SPAG16: variants seen among roughly 807,000 people sequenced by gnomAD.
SPAG16 encodes the protein sperm-associated antigen 16 protein.
In SPAG16, 86 loss-of-function variants were observed where a neutral mutation model predicts 80.4. The ratio of observed to expected loss-of-function variants is 1.07; its 90% CI spans 0.90 to 1.28. The LOEUF (loss-of-function observed/expected upper bound fraction) is 1.28. SPAG16 is among the 50% of genes most tolerant of loss of function. The pLI is 0.00. For missense variants in SPAG16, 870 were observed against 765.3 expected (o/e 1.14, Z -1.61); for synonymous variants, 294 against 265.9 (o/e 1.11, Z -1.03).
chr2:213,542,647 T>A (rs1400090259), intron 10 of SPAG16, among the ~76,000 whole-genome samples: 1 of 152,040 alleles, frequency 6.6e-6, no homozygotes, highest in Non-Finnish European at 1.5e-5. Flanking sequence ...ATAAGAATAT[T>A]GCGAATTAAA....
intron 15 of SPAG16, among the ~76,000 whole-genome samples, chr2:214,296,502 T>A (rs768202672): frequency 6.6e-6 from 1 of 152,172 alleles, no homozygotes; most frequent in Admixed American, 6.5e-5. Context: ...TAATTTACAC[T>A]CCCATAGTGT....
chr2:213,929,571 A>G (rs915180016), intron 11 of SPAG16, among the ~76,000 whole-genome samples: 4 of 152,174 alleles, frequency 2.6e-5, no homozygotes, highest in African/African-American at 4.8e-5. Context: ...TTCATATTGT[A>G]TTATGTTTTT....
intron 15 of SPAG16, among the ~76,000 whole-genome samples, chr2:214,180,443 T>G (rs1267629818): frequency 6.6e-6 from 1 of 151,676 alleles, no homozygotes; most frequent in Non-Finnish European, 1.5e-5. Flanking sequence ...TATAGTCCTG[T>G]TATAATCATT....
chr2:213,382,594 C>T (rs1164800973), intron 9 of SPAG16, among the ~76,000 whole-genome samples: 2 of 152,140 alleles, frequency 1.3e-5, no homozygotes, highest in Non-Finnish European at 2.9e-5. Flanking sequence ...TTTTGGGGTC[C>T]AAACATCATT....
chr2:214,388,918 A>G (rs1459774173), intron 15 of SPAG16, among the ~76,000 whole-genome samples: 3 of 152,150 alleles, frequency 2.0e-5, no homozygotes, highest in Non-Finnish European at 4.4e-5. Flanking sequence ...GCCTCTCATA[A>G]ACACAAGCCA....
chr2:214,310,579 G>C (rs114934691), intron 15 of SPAG16, among the ~76,000 whole-genome samples: 19 of 152,312 alleles, frequency 1.2e-4, no homozygotes, highest in Non-Finnish European at 2.2e-4. Flanking sequence ...GGAAGCACCT[G>C]CCCTAATGAA....
chr2:213,851,086 A>G (rs2074881448), intron 10 of SPAG16, among the ~76,000 whole-genome samples: 1 of 152,202 alleles, frequency 6.6e-6, no homozygotes, highest in East Asian at 1.9e-4. Flanking sequence ...ATTTTAGTTC[A>G]GAAGTATAAA....
At chr2:213,442,526 A>G (rs2071034409) in intron 9 of SPAG16, among the ~76,000 whole-genome samples, 1 of 152,222 alleles carries the variant, frequency 6.6e-6, no homozygotes, top group Non-Finnish European at 1.5e-5. Context: ...ACTTACTATA[A>G]AATTACAGTA....
intron 14 of SPAG16, among the ~76,000 whole-genome samples, chr2:214,117,868 G>A (rs1016812860): frequency 2.0e-5 from 3 of 152,000 alleles, no homozygotes; most frequent in African/African-American, 4.8e-5. Flanking sequence ...CACAATAAAG[G>A]CCATATATGA....
intron 13 of SPAG16, among the ~76,000 whole-genome samples, chr2:214,024,875 C>T (rs576868168): frequency 6.6e-6 from 1 of 151,584 alleles, no homozygotes; most frequent in African/African-American, 2.4e-5. Context: ...ATATATTTGA[C>T]CAACAGGAAA....
intron 15 of SPAG16, among the ~76,000 whole-genome samples, chr2:214,235,241 T>G (rs1688993975): frequency 6.6e-6 from 1 of 152,130 alleles, no homozygotes; most frequent in African/African-American, 2.4e-5. Flanking sequence ...TTTATACACC[T>G]GAAATAAAAT....
At chr2:213,641,172 A>G (rs968156663) in intron 10 of SPAG16, among the ~76,000 whole-genome samples, 1 of 152,062 alleles carries the variant, frequency 6.6e-6, no homozygotes, top group African/African-American at 2.4e-5. Flanking sequence ...TTCTGAAGGG[A>G]ATTAAGGCTG....
At chr2:213,638,122 G>A (rs2062441085) in intron 10 of SPAG16, among the ~76,000 whole-genome samples, 1 of 151,972 alleles carries the variant, frequency 6.6e-6, no homozygotes, top group African/African-American at 2.4e-5. Flanking sequence ...GAGCTTCTTT[G>A]GATCGTCTAT....
rs528213895 is a variant in SPAG16 at position 213,288,247 on chromosome 2, G to A, written c.136+3628G>A. Among the ~76,000 whole-genome samples the A allele has an allele frequency of 2.0e-5, 3 of 151,968 alleles. No homozygotes were observed. The South Asian group carries it at 6.2e-4, about 32-fold the overall frequency. ...TCTTCTTAAGTAACAGTTCTATCTA[G>A]TCTTTCATTGCCATAGTAATGTTGA... On this transcript the variant is annotated intron_variant, in intron 1 of 15. Coordinates refer to ENST00000331683, the MANE Select transcript of SPAG16 (RefSeq NM_024532.5).
chr2:213,957,860 T>C (rs969893779), intron 12 of SPAG16, among the ~76,000 whole-genome samples: 15 of 152,186 alleles, frequency 9.9e-5, no homozygotes, highest in African/African-American at 3.6e-4. Flanking sequence ...GATTTTCTAA[T>C]TTTTTGTCTT....
chr2:213,569,836 T>C lies in SPAG16; in HGVS notation c.1070+79746T>C, dbSNP rs893073568. The stretch of plus-strand genomic sequence containing the variant: ...TACCAGTTCCTCCATGTACCTCTGG[T>C]AGAATTCGGCTGTGAATCCATCTGG... On this transcript the variant is annotated intron_variant, in intron 10 of 15. Coordinates refer to ENST00000331683, the MANE Select transcript of SPAG16 (RefSeq NM_024532.5). Among the ~76,000 whole-genome samples, 105 of 134,878 alleles carry C rather than the reference T, an allele frequency of 7.8e-4. 6 individuals are homozygous for C. The highest frequency in any genetic ancestry group is 3.5e-3 in the African/African-American group (100 of 28,400). The allele number at this position is 134,878 out of a possible 152,430, so 88.5% of individuals were successfully genotyped here. A position where few individuals can be genotyped will look rare whatever the true frequency, so the allele number is the denominator to read the frequency against.
At chr2:214,228,245 T>C (rs1688416000) in intron 15 of SPAG16, among the ~76,000 whole-genome samples, 1 of 151,960 alleles carries the variant, frequency 6.6e-6, no homozygotes, top group Non-Finnish European at 1.5e-5. Flanking sequence ...TTCAACTATA[T>C]TTTATGACTC....
chr2:213,361,481 T>C (rs1417764029), intron 7 of SPAG16, among the ~76,000 whole-genome samples: 2 of 151,182 alleles, frequency 1.3e-5, no homozygotes, highest in East Asian at 3.9e-4. Flanking sequence ...CCACCAGTAA[T>C]GAACATATCC....
chr2:214,131,800 G>A (rs535150371), intron 14 of SPAG16, among the ~76,000 whole-genome samples: 1 of 152,278 alleles, frequency 6.6e-6, no homozygotes, highest in East Asian at 1.9e-4. Context: ...GCCAGGGGCT[G>A]GAGGGAGGGA....
Sources: allele counts gnomAD v4.1 joint callset (sites outside exome capture counted in the v4.1 genomes callset), GRCh38; gene constraint gnomAD v4.1.1; transcripts MANE v1.5; gene names NCBI Gene and HGNC (gene_info 2026-07-23, HGNC 2026-07-21).